The following FZR1 variants were observed in gnomAD, a reference collection of about 807,000 sequenced individuals.
FZR1 encodes fizzy and cell division cycle 20 related 1.
FZR1 carries 11 observed loss-of-function variants against 63.6 expected under a neutral mutation model. The observed-to-expected ratio is 0.17, with a 90% CI of 0.11 to 0.29. FZR1 has a LOEUF of 0.29. FZR1 is among the 10% of genes least tolerant of loss of function. The pLI is 1.00. For synonymous variants in FZR1, 328 were observed against 297.9 expected, an observed-to-expected ratio of 1.10 and a Z score of -1.04; for missense variants, 440 against 687.5, an observed-to-expected ratio of 0.64 and a Z score of 4.03.
In FZR1 at chr19:3,517,992, C is replaced by A. The variant is rs1354394673; in HGVS notation, c.-34-4964C>A. On this transcript the variant is annotated intron_variant, in intron 1 of 13. Transcript: ENST00000441788. The stretch of plus-strand genomic sequence containing the variant: ...GGGACTACAGATGTATGCCACCACA[C>A]CCAGCTAACTGTTTCTTTCTTTTTT... 2.7e-5 allele frequency among the ~76,000 whole-genome samples: 4 copies of A among 150,532 alleles called. No homozygotes were observed. In the East Asian group the frequency reaches 7.8e-4, roughly 29 times the overall value.
intron 2 of FZR1, among the ~76,000 whole-genome samples, chr19:3,524,773 C>A (rs891111893): frequency 2.0e-5 from 3 of 152,176 alleles, no homozygotes; most frequent in Non-Finnish European, 2.9e-5. Context: ...GTGGCTGTGA[C>A]CACGTCCCTC....
rs184350097 is a variant in FZR1 at position 3,525,663 on chromosome 19, T to G, written c.70-205T>G. Among the ~76,000 whole-genome samples, 1 of 152,024 alleles carries G rather than the reference T, an allele frequency of 6.6e-6. No homozygotes were observed. Among genetic ancestry groups the G allele is most frequent in the African/African-American group, 2.4e-5 (1 of 41,400 alleles). ...TTCACAGTGTTAGCCAGGATGGTCT[T>G]GATCTCCTGACCTCGTGATCCGCCC... is the stretch of plus-strand genomic sequence containing the variant. On this transcript the variant is annotated intron_variant, in intron 2 of 13. Transcript: ENST00000441788. The surrounding 1 kb of genome is among the most constrained non-coding windows in gnomAD (Gnocchi z 4.2).
In FZR1 at chr19:3,527,884, C is replaced by A. The variant is rs986338427; in HGVS notation, c.654+70C>A. On this transcript the variant is annotated intron_variant, in intron 7 of 13. Transcript: ENST00000441788. ...CTCCCAGCAGACCTCAATGTACCCACCGGGATCCAGGGAGCATCAGTACGA... is the reference window on the plus strand; with the variant it reads ...CTCCCAGCAGACCTCAATGTACCCAACGGGATCCAGGGAGCATCAGTACGA... 2.4e-6 allele frequency: 3 copies of A among 1,268,376 alleles called. No homozygotes were observed. In the African/African-American group the frequency reaches 4.4e-5, roughly 19 times the overall value. The allele number at this position is 1,268,376 out of a possible 1,614,324, so 78.6% of individuals were successfully genotyped here. A position where few individuals can be genotyped will look rare whatever the true frequency, so the allele number is the denominator to read the frequency against.
At chr19:3,521,589 C>T (rs2083102137) in intron 1 of FZR1, among the ~76,000 whole-genome samples, 1 of 151,646 alleles carries the variant, frequency 6.6e-6, no homozygotes, top group Admixed American at 6.6e-5. Flanking sequence ...GCAGCCTTCA[C>T]CTCCCGGGTT....
At chr19:3,532,732 T>C in intron 11 of FZR1, 82 bp downstream of exon 11, 3 of 927,590 alleles carry the variant, frequency 3.2e-6, no homozygotes, top group South Asian at 2.7e-5. Flanking sequence ...GAGAGCAGCC[T>C]GTGGGGAGAT....
chr19:3,527,128 C>G (rs2083168142), intron 6 of FZR1, 66 bp downstream of exon 6: 1 of 1,285,408 alleles, frequency 7.8e-7, no homozygotes, highest in African/African-American at 1.5e-5. Flanking sequence ...AGAGGTGGGT[C>G]CCAGCTTCCT....
At chr19:3,506,573 C>T (rs549319326) in intron 1 of FZR1, 99 bp downstream of exon 1, 31 of 152,000 alleles carry the variant, frequency 2.0e-4, no homozygotes, top group African/African-American at 7.5e-4. Context: ...GCTGCGACCC[C>T]CACCCCAGCT....
chr19:3,530,953 T>A lies in FZR1; in HGVS notation c.720+96T>A, dbSNP rs73920143. ...GACCCAGAGGGTCTAGTGCGTGGCC[T>A]GAGGTCGCCTGTGTCCAAGCATAGG... On this transcript the variant is annotated intron_variant, in intron 8 of 13. Coordinates refer to ENST00000441788, the MANE Select transcript of FZR1 (RefSeq NM_016263.4). 332 of 855,228 alleles carry A rather than the reference T, an allele frequency of 3.9e-4. 2 individuals are homozygous for A. In the African/African-American group the frequency reaches 5.0e-3, roughly 13 times the overall value. 53.0% of individuals were successfully genotyped at this position (855,228 alleles called of 1,614,324 possible). A position where few individuals can be genotyped will look rare whatever the true frequency, so the allele number is the denominator to read the frequency against.
In FZR1 at chr19:3,521,013, G is replaced by A. The variant is rs3760998; in HGVS notation, c.-34-1943G>A. Among the ~76,000 whole-genome samples the A allele has an allele frequency of 2.2e-4, 34 of 152,364 alleles. No homozygotes were observed. In the East Asian group the frequency reaches 5.6e-3, roughly 25 times the overall value. Reference sequence around the variant, plus strand: ...TCACAGGGTGCAACGTCCTCAGGGCGTGTCCGCGCTGTGGCCTGGGTAGAG... The same window carrying A: ...TCACAGGGTGCAACGTCCTCAGGGCATGTCCGCGCTGTGGCCTGGGTAGAG... On this transcript the variant is annotated intron_variant, in intron 1 of 13. Coordinates refer to ENST00000441788, the MANE Select transcript of FZR1 (RefSeq NM_016263.4).
rs1450605368 is a variant in FZR1, at chr19:3,525,202, G to A, written c.70-666G>A. ...GGTGAATGCATGGCACCTGCGCAGC[G>A]TTGGGAGGGCAGTTGGGGTCTTGTG... On this transcript the variant is annotated intron_variant, in intron 2 of 13. Transcript: ENST00000441788. This position sits in a 1 kb window ranked among gnomAD's most constrained non-coding sequence, Gnocchi z 4.2. 2.6e-5 allele frequency among the ~76,000 whole-genome samples: 4 copies of A among 152,108 alleles called. No individual in the cohort carries two copies. The highest frequency in any genetic ancestry group is 5.9e-5 in the Non-Finnish European group (4 of 68,024).
intron 1 of FZR1, among the ~76,000 whole-genome samples, chr19:3,509,935 G>A (rs532493492): frequency 6.6e-6 from 1 of 152,076 alleles, no homozygotes; most frequent in African/African-American, 2.4e-5. Context: ...GTTGTGTGGC[G>A]ACCGTCCTTG....
In FZR1 at chr19:3,535,118, G is replaced by C; in HGVS notation, c.*282G>C. 1 of 509,900 alleles carries C rather than the reference G, an allele frequency of 2.0e-6. No individual in the cohort carries two copies. 31.6% of individuals were successfully genotyped at this position (509,900 alleles called of 1,614,324 possible). A position where few individuals can be genotyped will look rare whatever the true frequency, so the allele number is the denominator to read the frequency against. ...ACATTGGACGGTCCCGGCTCAGACCGTCTGTACTCAGAGCGACGGATGCCC... is the reference window on the plus strand; with the variant it reads ...ACATTGGACGGTCCCGGCTCAGACCCTCTGTACTCAGAGCGACGGATGCCC... On this transcript the variant is annotated 3_prime_UTR_variant, in exon 14 of 14. Transcript: ENST00000441788.
intron 1 of FZR1, among the ~76,000 whole-genome samples, chr19:3,518,996 T>C (rs570106447): frequency 3.9e-5 from 6 of 152,330 alleles, no homozygotes; most frequent in South Asian, 4.1e-4. Context: ...GGCCCTGTCA[T>C]TGGGAGGGCT....
chr19:3,506,865 C>G (rs1026308747), intron 1 of FZR1, among the ~76,000 whole-genome samples: 1 of 152,184 alleles, frequency 6.6e-6, no homozygotes, highest in Admixed American at 6.5e-5. Flanking sequence ...GCCTCCTAAC[C>G]CGGGTGATTT....
At chr19:3,511,655 T>G (rs906045884) in intron 1 of FZR1, among the ~76,000 whole-genome samples, 1 of 152,100 alleles carries the variant, frequency 6.6e-6, no homozygotes, top group Non-Finnish European at 1.5e-5. Context: ...GGCACATGGC[T>G]GGTTGGTGGG....
chr19:3,521,044 C>A (rs975598531), intron 1 of FZR1, among the ~76,000 whole-genome samples: 1 of 152,236 alleles, frequency 6.6e-6, no homozygotes, highest in Non-Finnish European at 1.5e-5. Flanking sequence ...TAGAGCCTTG[C>A]TCCTTTCATG....
intron 1 of FZR1, among the ~76,000 whole-genome samples, chr19:3,520,669 C>T (rs188921594): frequency 6.8e-4 from 103 of 152,334 alleles, no homozygotes; most frequent in African/African-American, 2.4e-3. Flanking sequence ...GCCCAGTCAG[C>T]GCTGCCTGCG....
At chr19:3,532,846 G>C (rs1411233048) in intron 11 of FZR1, among the ~76,000 whole-genome samples, 196 bp downstream of exon 11, 2 of 152,016 alleles carry the variant, frequency 1.3e-5, no homozygotes, top group South Asian at 4.1e-4. Flanking sequence ...CTCACCTGGG[G>C]CAAGACTTGG....
At chr19:3,511,729 C>T (rs1286742598) in intron 1 of FZR1, among the ~76,000 whole-genome samples, 1 of 152,096 alleles carries the variant, frequency 6.6e-6, no homozygotes, top group Admixed American at 6.5e-5. Context: ...GGGTGTATTC[C>T]CGGGGCCCAG....
Sources: allele counts gnomAD v4.1 joint callset (sites outside exome capture counted in the v4.1 genomes callset), GRCh38; gene constraint gnomAD v4.1.1; non-coding constraint Gnocchi (gnomAD v3.1); transcripts MANE v1.5; gene names NCBI Gene and HGNC (gene_info 2026-07-23, HGNC 2026-07-21).